Variants in A2M observed in about 807,000 individuals in gnomAD.
A2M encodes the protein alpha-2-macroglobulin.
A neutral mutation model predicts 183.9 loss-of-function variants in A2M; 128 were observed. The ratio of observed to expected loss-of-function variants is 0.70; its 90% CI spans 0.60 to 0.81. The LOEUF is 0.81. Ranked by LOEUF, A2M falls within the 30% of genes least tolerant of loss-of-function variation. A2M has a pLI of 0.00. For missense variants in A2M, 1,495 were observed against 1,787.6 expected (o/e 0.84, Z 2.95); for synonymous variants, 592 against 670.8 (o/e 0.88, Z 1.81).
At chr12:9,092,262 C>A (rs1189605575) in intron 18 of A2M, among the ~76,000 whole-genome samples, 1 of 152,158 alleles carries the variant, frequency 6.6e-6, no homozygotes, top group East Asian at 1.9e-4. Context: ...TCAAGCACCC[C>A]AATGTTTACA....
At chr12:9,095,435 A>T (rs1949343682) in intron 16 of A2M, 104 bp downstream of exon 16, 1 of 1,146,932 alleles carries the variant, frequency 8.7e-7, no homozygotes, top group African/African-American at 1.6e-5. Flanking sequence ...TTTATATCCC[A>T]TTACCCTCAA....
At chr12:9,082,883 T>A (rs1173771213) in intron 22 of A2M, among the ~76,000 whole-genome samples, 1 of 152,222 alleles carries the variant, frequency 6.6e-6, no homozygotes, top group Non-Finnish European at 1.5e-5. Context: ...TAAACATATG[T>A]GTGCATGTGT....
intron 28 of A2M, among the ~76,000 whole-genome samples, chr12:9,076,513 A>G (rs1345038565): frequency 6.6e-6 from 1 of 152,176 alleles, no homozygotes; most frequent in Non-Finnish European, 1.5e-5. Flanking sequence ...AGACTTTACA[A>G]TGAGTTTGTC....
rs761623067 is a variant in A2M at position 9,079,311 on chromosome 12, A to G, written c.3052T>C (p.Tyr1018His). The G allele has an allele frequency of 1.2e-6, 2 of 1,613,626 alleles. No individual in the cohort carries two copies. Among genetic ancestry groups the G allele is most frequent in the East Asian group, 4.5e-5 (2 of 44,882 alleles). Residue 1018 changes from tyrosine (Y) to histidine (H), a missense_variant, in exon 25 of 36, where the codon TAC becomes CAC. Tyr to His is a moderately conservative substitution (Grantham distance 83, BLOSUM62 2). Coordinates refer to ENST00000318602, the MANE Select transcript of A2M (RefSeq NM_000014.6). ...CTGTAGGAGCCATCATAGTGTTTGTAGTTCAACTGTCTCTGGTAACCTGGA... is the reference window on the plus strand; with the variant it reads ...CTGTAGGAGCCATCATAGTGTTTGTGGTTCAACTGTCTCTGGTAACCTGGA... ...LNTGYQRQLN[Y>H]KHYDGSYSTF...
At position 9,074,737 on chromosome 12, in the gene A2M, C is replaced by T. The variant is rs756478524; in HGVS notation, c.3579G>A (p.Val1193=). Reference sequence around the variant, plus strand: ...GAGCCTGGGGTTCGTAAAAATGCCCCACTGGTGCCTTGGGTTTCTGAGGGC... The same window carrying T: ...GAGCCTGGGGTTCGTAAAAATGCCCTACTGGTGCCTTGGGTTTCTGAGGGC... ...WERPQKPKAP[V]GHFYEPQAPS... The change falls in exon 29 of 36, where the codon GTG becomes GTA. Residue 1193 remains valine, a synonymous_variant. Coordinates refer to ENST00000318602, the MANE Select transcript of A2M (RefSeq NM_000014.6). 3 of 1,613,860 alleles carry T rather than the reference C, an allele frequency of 1.9e-6. No homozygotes were observed.
chr12:9,091,579 G>T, intron 18 of A2M, 150 bp from the exon 19 acceptor site: 2 of 792,340 alleles, frequency 2.5e-6, no homozygotes, highest in Non-Finnish European at 3.9e-6. Flanking sequence ...GATTGAGATG[G>T]GAATATAAGT....
intron 5 of A2M, 89 bp from the exon 6 acceptor site, chr12:9,110,124 A>C: frequency 1.4e-6 from 2 of 1,408,470 alleles, no homozygotes; most frequent in Non-Finnish European, 1.9e-6. Flanking sequence ...AGTTATCTAC[A>C]AAAAGGTCAA....
chr12:9,107,383 AT>A, intron 8 of A2M, 140 bp downstream of exon 8: 55 of 1,053,444 alleles, frequency 5.2e-5, no homozygotes, highest in East Asian at 8.0e-5. Context: ...TAAGTTCATG[AT>A]TTTTTTTGAA....
Position 9,077,801 on chromosome 12 carries a change from T to A in A2M, c.3176A>T (p.Asp1059Val), listed in dbSNP as rs1337980099. The stretch of plus-strand genomic sequence containing the variant: ...GAGGGCTTGGGTAATGTGTGCTTCA[T>A]CGATGAAGATGTAGGCTCGAGCTTG... ...FAQARAYIFIDEAHITQALIW... is the reference protein window; with the variant it reads ...FAQARAYIFIVEAHITQALIW... Residue 1059 changes from aspartate (D) to valine (V), a missense_variant, in exon 26 of 36, where the codon GAT becomes GTT. By Grantham distance (152) the Asp-to-Val change is radical (BLOSUM62 -3). Coordinates refer to ENST00000318602, the MANE Select transcript of A2M (RefSeq NM_000014.6). The A allele has an allele frequency of 6.2e-7, 1 of 1,614,150 alleles. No homozygotes were observed. Among genetic ancestry groups the A allele is most frequent in the Admixed American group, 1.7e-5 (1 of 60,016 alleles).
At chr12:9,090,048 G>C (rs1446094994) in intron 20 of A2M, 25 bp from the exon 21 acceptor site, 1 of 1,578,874 alleles carries the variant, frequency 6.3e-7, no homozygotes, top group Admixed American at 1.7e-5. Flanking sequence ...CAGTAGAAAT[G>C]AATAGCATCT....
intron 22 of A2M, among the ~76,000 whole-genome samples, chr12:9,086,170 T>C (rs1233536416): frequency 1.3e-5 from 2 of 152,040 alleles, no homozygotes; most frequent in African/African-American, 4.8e-5. Context: ...CTGATACCAA[T>C]GTCATAAAAA....
At chr12:9,079,190 C>T in intron 25 of A2M, 54 bp downstream of exon 25, 1 of 1,355,238 alleles carries the variant, frequency 7.4e-7, no homozygotes, top group Non-Finnish European at 1.1e-6. Context: ...TGAGGTAATA[C>T]ATGTAAAAGA....
chr12:9,082,591 AAGAAGTG>A (rs1195696909), intron 22 of A2M, among the ~76,000 whole-genome samples: 2 of 152,216 alleles, frequency 1.3e-5, no homozygotes, highest in African/African-American at 4.8e-5. Flanking sequence ...TAAAAACCAG[AAGAAGTG>A]GCTTTCTCCT....
chr12:9,072,632 T>G (rs1479444549), intron 30 of A2M, 21 bp downstream of exon 30: 5 of 1,612,732 alleles, frequency 3.1e-6, no homozygotes, highest in Non-Finnish European at 4.2e-6. Context: ...TGTCCTGTCC[T>G]CACCTGCCCA....
In A2M at chr12:9,077,398, G is replaced by T. The variant is rs1219589381; in HGVS notation, c.3299C>A (p.Thr1100Asn). The T allele has an allele frequency of 5.6e-6, 9 of 1,613,410 alleles. No homozygotes were observed. The highest frequency in any genetic ancestry group is 1.1e-5 in the South Asian group (1 of 90,810). The change falls in exon 27 of 36, where the codon ACC becomes AAC. Residue 1100 changes from threonine to asparagine, a missense_variant. Thr to Asn is a moderately conservative substitution (Grantham distance 65). Coordinates refer to ENST00000318602, the MANE Select transcript of A2M (RefSeq NM_000014.6). ...GGCGATGGTGATATAGGCGGAGAGGGTCACTTCATCTTCTACTCCTCCCTG... is the reference window on the plus strand; with the variant it reads ...GGCGATGGTGATATAGGCGGAGAGGTTCACTTCATCTTCTACTCCTCCCTG... ...AIKGGVEDEV[T>N]LSAYITIALL...
chr12:9,092,995 G>A (rs1171110475), intron 18 of A2M, among the ~76,000 whole-genome samples: 1 of 152,218 alleles, frequency 6.6e-6, no homozygotes, highest in African/African-American at 2.4e-5. Context: ...AGTGAAATAA[G>A]CCAGACACAG....
At chr12:9,114,598 A>G (rs940861897) in intron 1 of A2M, among the ~76,000 whole-genome samples, 1 of 151,994 alleles carries the variant, frequency 6.6e-6, no homozygotes. Flanking sequence ...GCCAATTACC[A>G]TACAGAAATT....
intron 20 of A2M, 148 bp from the exon 21 acceptor site, chr12:9,090,171 T>TTCTCA: frequency 7.3e-7 from 1 of 1,367,544 alleles, no homozygotes; most frequent in Non-Finnish European, 1.0e-6. Context: ...GAGAGGTGAA[T>TTCTCA]GATACTGAGA....
chr12:9,083,752 C>CA (rs1413580360), intron 22 of A2M, among the ~76,000 whole-genome samples: 3 of 122,710 alleles, frequency 2.4e-5, no homozygotes, highest in South Asian at 4.6e-4. Context: ...AGTATAGAAT[C>CA]AGAAAAAAAA....
Sources: allele counts gnomAD v4.1 joint callset (sites outside exome capture counted in the v4.1 genomes callset), GRCh38; gene constraint gnomAD v4.1.1; transcripts MANE v1.5; gene names NCBI Gene and HGNC (gene_info 2026-07-23, HGNC 2026-07-21).